Variants in ERG observed in about 807,000 individuals in gnomAD.
ERG encodes transcriptional regulator ERG.
A neutral mutation model predicts 55.3 loss-of-function variants in ERG; 9 were observed. The observed-to-expected ratio is 0.16, with a 90% confidence interval of 0.10 to 0.28. The LOEUF (loss-of-function observed/expected upper bound fraction) is 0.28. Ranked by LOEUF, ERG falls within the 10% of genes least tolerant of loss-of-function variation. ERG has a pLI of 1.00. For missense variants in ERG, 434 were observed against 631.6 expected, an observed-to-expected ratio of 0.69 and a Z score of 3.35; for synonymous variants, 223 against 237.3, an observed-to-expected ratio of 0.94 and a Z score of 0.55.
chr21:38,450,205 CA>C (rs1286193702), intron 1 of ERG, among the ~76,000 whole-genome samples: 9 of 65,478 alleles, frequency 1.4e-4, no homozygotes, highest in Admixed American at 1.9e-4. Flanking sequence ...TACAAAAATC[CA>C]AAAAAAAAAC....
chr21:38,504,772 T>A (rs981930439), intron 2 of ERG, among the ~76,000 whole-genome samples: 3 of 152,208 alleles, frequency 2.0e-5, no homozygotes, highest in Non-Finnish European at 4.4e-5. Flanking sequence ...CTTGGCCAAA[T>A]TGAGAATTTA....
intron 1 of ERG, among the ~76,000 whole-genome samples, chr21:38,459,111 A>G (rs965961618): frequency 3.9e-5 from 6 of 152,102 alleles, no homozygotes; most frequent in African/African-American, 1.4e-4. Context: ...CTCCTGGGCC[A>G]CTTCTCTACT....
rs747016871 is a variant in ERG, at chr21:38,383,183, T to G, written c.*220A>C. Reference sequence around the variant, plus strand: ...TTACAAGGTCAGTCCACAGATGATATGTCCATATTCGTGACATTTTTAGCA... The same window carrying G: ...TTACAAGGTCAGTCCACAGATGATAGGTCCATATTCGTGACATTTTTAGCA... On this transcript the variant is annotated 3_prime_UTR_variant, in exon 10 of 10. Coordinates refer to ENST00000288319, the MANE Select transcript of ERG (RefSeq NM_182918.4). The surrounding 1 kb of genome is among the most constrained non-coding windows in gnomAD (Gnocchi z 5.7). 234 of 1,265,304 alleles carry G rather than the reference T, an allele frequency of 1.8e-4. No individual in the cohort carries two copies. The highest frequency in any genetic ancestry group is 2.3e-4 in the Non-Finnish European group (227 of 1,006,666). The allele number at this position is 1,265,304 out of a possible 1,614,324, so 78.4% of individuals were successfully genotyped here. A position where few individuals can be genotyped will look rare whatever the true frequency, so the allele number is the denominator to read the frequency against.
chr21:38,534,928 C>G (rs11701247), intron 2 of ERG, among the ~76,000 whole-genome samples: 58,056 of 151,982 alleles, frequency 0.38, 12,562 homozygotes, highest in Non-Finnish European at 0.49. Flanking sequence ...ATAGATGAAT[C>G]TTTTTTTAAA....
intron 1 of ERG, among the ~76,000 whole-genome samples, chr21:38,636,380 G>C (rs1244216202): frequency 6.6e-6 from 1 of 152,210 alleles, no homozygotes; most frequent in African/African-American, 2.4e-5. Flanking sequence ...AGAGAAGCTA[G>C]GAGGAGCAGG....
upstream of ERG, among the ~76,000 whole-genome samples, chr21:38,585,947 T>C (rs1355221830): frequency 6.6e-6 from 1 of 151,042 alleles, no homozygotes; most frequent in Non-Finnish European, 1.5e-5. Flanking sequence ...ATCCCAATAT[T>C]GCACAAAGAA....
intron 1 of ERG, among the ~76,000 whole-genome samples, chr21:38,640,793 G>T (rs954776675): frequency 6.6e-6 from 1 of 152,170 alleles, no homozygotes; most frequent in African/African-American, 2.4e-5. Flanking sequence ...TCATGAAAAC[G>T]CAGTGATGTA....
At chr21:38,418,947 AAAAGAAAG>A (rs1569082268) in intron 3 of ERG, among the ~76,000 whole-genome samples, 136 of 132,110 alleles carry the variant, frequency 1.0e-3, no homozygotes, top group Middle Eastern at 3.8e-3. Flanking sequence ...AAAAAAAAAA[AAAAGAAAG>A]AAAGAAAAAG....
intron 1 of ERG, among the ~76,000 whole-genome samples, chr21:38,445,866 G>A (rs1024779635): frequency 6.6e-6 from 1 of 151,992 alleles, no homozygotes; most frequent in Non-Finnish European, 1.5e-5. Flanking sequence ...GACTGTGGCA[G>A]GGCAGCAGAA....
chr21:38,609,895 C>T (rs539332865), intron 1 of ERG, among the ~76,000 whole-genome samples: 5 of 152,318 alleles, frequency 3.3e-5, no homozygotes, highest in African/African-American at 1.2e-4. Flanking sequence ...CAAGCATTAG[C>T]GTGTGTTGAA....
chr21:38,622,629 TCA>T (rs1206998006), intron 1 of ERG, among the ~76,000 whole-genome samples: 1 of 116,488 alleles, frequency 8.6e-6, no homozygotes, highest in Admixed American at 9.0e-5. Flanking sequence ...ACACACCATA[TCA>T]CACACATACA....
chr21:38,640,217 A>G (rs533100549), intron 1 of ERG, among the ~76,000 whole-genome samples: 1 of 152,330 alleles, frequency 6.6e-6, no homozygotes, highest in African/African-American at 2.4e-5. Context: ...TTTTGAAAAA[A>G]TCGAACATTA....
intron 1 of ERG, among the ~76,000 whole-genome samples, chr21:38,601,395 AC>A (rs1396676706): frequency 6.6e-6 from 1 of 152,072 alleles, no homozygotes; most frequent in Non-Finnish European, 1.5e-5. Context: ...GCAATCCAAC[AC>A]CATATTATTG....
rs62217518 is a variant in ERG, at chr21:38,661,265, T to C, written c.-150+393A>G. ...GAGAAGTGATATTTTTCCAGCCTCA[T>C]TGAAAACCGTTGCAAACATTGAAAA... On this transcript the variant is annotated intron_variant, in intron 1 of 10. Transcript: ENST00000398910. Among the ~76,000 whole-genome samples the C allele has an allele frequency of 4.6e-5, 7 of 151,986 alleles. No homozygotes were observed. In the East Asian group the frequency reaches 1.2e-3, roughly 25 times the overall value.
chr21:38,400,436 G>C (rs1450768348), intron 6 of ERG, 138 bp downstream of exon 6: 1 of 786,358 alleles, frequency 1.3e-6, no homozygotes, highest in East Asian at 2.4e-5. Flanking sequence ...CAAATCAACA[G>C]AGGCAGAATA....
At chr21:38,418,702 G>A (rs185593933) in intron 3 of ERG, among the ~76,000 whole-genome samples, 63 of 152,040 alleles carry the variant, frequency 4.1e-4, no homozygotes, top group African/African-American at 1.4e-3. Flanking sequence ...CGAGGTGGGC[G>A]GATCACCTGA....
intron 2 of ERG, among the ~76,000 whole-genome samples, chr21:38,428,608 T>C (rs1019484675): frequency 9.9e-5 from 15 of 152,210 alleles, no homozygotes; most frequent in Non-Finnish European, 2.2e-4. Context: ...GAGTAGTGTA[T>C]GGGTCAGGGA....
rs1987453528 is a variant in ERG at position 38,381,839 on chromosome 21, G to C, written c.*1564C>G. 1 of 1,063,770 alleles carries C rather than the reference G, an allele frequency of 9.4e-7. No homozygotes were observed. Among genetic ancestry groups the C allele is most frequent in the South Asian group, 4.6e-5 (1 of 21,960 alleles). The allele number at this position is 1,063,770 out of a possible 1,614,324, so 65.9% of individuals were successfully genotyped here. ...AAAAGGGGCTAGAAATAAAAGACAG[G>C]AGGGGAGGCAAGAAGGACCTGGAGA... On this transcript the variant is annotated 3_prime_UTR_variant, in exon 10 of 10. Coordinates refer to ENST00000288319, the MANE Select transcript of ERG (RefSeq NM_182918.4).
At chr21:38,633,914 G>A (rs1163045708) in intron 1 of ERG, among the ~76,000 whole-genome samples, 2 of 151,390 alleles carry the variant, frequency 1.3e-5, no homozygotes, top group Non-Finnish European at 2.9e-5. Flanking sequence ...CAAAGGCAGT[G>A]TGATGGGCTG....
Sources: allele counts gnomAD v4.1 joint callset (sites outside exome capture counted in the v4.1 genomes callset), GRCh38; gene constraint gnomAD v4.1.1; non-coding constraint Gnocchi (gnomAD v3.1); transcripts MANE v1.5; gene names NCBI Gene and HGNC (gene_info 2026-07-23, HGNC 2026-07-21).